PSMG4: variants seen among roughly 807,000 people sequenced by gnomAD.
The protein encoded by PSMG4 is proteasome assembly chaperone 4, also known as proteasome (prosome, macropain) assembly chaperone 4.
Under a neutral mutation model 11.0 loss-of-function variants are expected in PSMG4, and 10 were observed. The observed-to-expected ratio is 0.91, with a 90% CI of 0.56 to 1.54. The LOEUF (loss-of-function observed/expected upper bound fraction) is 1.54. Ranked by LOEUF, PSMG4 falls within the 40% of genes most tolerant of loss-of-function variation. PSMG4 has a pLI of 0.00. For missense variants in PSMG4, 198 were observed against 160.9 expected, an observed-to-expected ratio of 1.23 and a Z score of -1.25; for synonymous variants, 95 against 71.3, an observed-to-expected ratio of 1.33 and a Z score of -1.68.
chr6:3,260,024 C>T (rs928723671), intron 1 of PSMG4, among the ~76,000 whole-genome samples: 5 of 152,114 alleles, frequency 3.3e-5, no homozygotes, highest in African/African-American at 1.2e-4. Context: ...ACTGTCACCT[C>T]AAACTCCTGG....
chr6:3,254,427 G>A (rs191613536), upstream of PSMG4, among the ~76,000 whole-genome samples: 18 of 147,042 alleles, frequency 1.2e-4, no homozygotes, highest in Non-Finnish European at 2.3e-4. Flanking sequence ...AGGAGGTATG[G>A]CTTTGTGCTG....
At chr6:3,260,289 A>AT (rs1264357024) in intron 1 of PSMG4, among the ~76,000 whole-genome samples, 723 of 31,036 alleles carry the variant, frequency 0.023, 15 homozygotes, top group African/African-American at 0.079. Context: ...ATATATATAT[A>AT]TATTTTTTTT....
At chr6:3,262,999 G>A (rs1037412813) in intron 1 of PSMG4, among the ~76,000 whole-genome samples, 9 of 152,216 alleles carry the variant, frequency 5.9e-5, no homozygotes, top group Non-Finnish European at 1.3e-4. Context: ...TACTCCCAAA[G>A]TAGTTGGGAG....
At chr6:3,255,366 T>C (rs1446636373), upstream of PSMG4, 1 of 1,428,608 alleles carries the variant, frequency 7.0e-7, no homozygotes, top group Admixed American at 2.7e-5. Context: ...ATTTTTCCTG[T>C]GGTGGATGAT....
Position 3,267,725 on chromosome 6 carries a change from A to C in PSMG4, c.*13A>C, listed in dbSNP as rs1173707320. ...CGAAAAGTTCTAGCTGAGTGGCAGA[A>C]GTGAGAATTTGTAAACTTATGTACA... On this transcript the variant is annotated 3_prime_UTR_variant, in exon 3 of 3. Transcript: ENST00000438998. 3.2e-6 allele frequency: 5 copies of C among 1,551,242 alleles called. No homozygotes were observed. In the South Asian group the frequency reaches 6.0e-5, roughly 18 times the overall value.
At chr6:3,260,965 G>A (rs1197962412) in intron 1 of PSMG4, among the ~76,000 whole-genome samples, 1 of 152,178 alleles carries the variant, frequency 6.6e-6, no homozygotes, top group East Asian at 1.9e-4. Context: ...TCTCTCAGCC[G>A]TTGAGTGTTT....
At chr6:3,260,291 A>ATATATATATATATTTTTTTTT in intron 1 of PSMG4, among the ~76,000 whole-genome samples, 1 of 70,842 alleles carries the variant, frequency 1.4e-5, no homozygotes, top group African/African-American at 5.5e-5. Flanking sequence ...ATATATATAT[A>ATATATATATATATTTTTTTTT]TTTTTTTTTT....
At chr6:3,260,309 T>TTTTTTTTTTTG (rs1757942138) in intron 1 of PSMG4, among the ~76,000 whole-genome samples, 1 of 140,372 alleles carries the variant, frequency 7.1e-6, no homozygotes, top group African/African-American at 2.8e-5. Flanking sequence ...TTTTTTTTTT[T>TTTTTTTTTTTG]GAAGCAAAGT....
At chr6:3,254,533 T>G (rs1188212533), upstream of PSMG4, among the ~76,000 whole-genome samples, 1 of 152,024 alleles carries the variant, frequency 6.6e-6, no homozygotes, top group South Asian at 2.1e-4. Context: ...GTAACAATTA[T>G]CTGGAAGGTG....
intron 1 of PSMG4, among the ~76,000 whole-genome samples, chr6:3,260,585 T>C (rs2127258652): frequency 6.6e-6 from 1 of 152,274 alleles, no homozygotes; most frequent in African/African-American, 2.4e-5. Context: ...AGAATCTTTA[T>C]GCTAATCTTT....
At chr6:3,260,291 A>ATTT (rs869076629) in intron 1 of PSMG4, among the ~76,000 whole-genome samples, 13 of 70,838 alleles carry the variant, frequency 1.8e-4, no homozygotes, top group East Asian at 4.6e-4. Context: ...ATATATATAT[A>ATTT]TTTTTTTTTT....
chr6:3,265,495 C>T (rs1015164869), intron 2 of PSMG4: 2 of 152,340 alleles, frequency 1.3e-5, no homozygotes, highest in South Asian at 2.1e-4. Context: ...CAGCGTTGTT[C>T]CTCAGAAATC....
At chr6:3,255,223 A>T, upstream of PSMG4, 1 of 1,549,742 alleles carries the variant, frequency 6.5e-7, no homozygotes, top group Non-Finnish European at 8.7e-7. Flanking sequence ...GAGCAAAATC[A>T]ACTCTGGTAA....
At chr6:3,254,802 C>A (rs187592840), upstream of PSMG4, among the ~76,000 whole-genome samples, 1 of 152,074 alleles carries the variant, frequency 6.6e-6, no homozygotes, top group Admixed American at 6.5e-5. Flanking sequence ...GGGGTCAGAG[C>A]AACAAGACAC....
chr6:3,263,310 C>G (rs373120312), intron 1 of PSMG4, among the ~76,000 whole-genome samples: 1 of 152,202 alleles, frequency 6.6e-6, no homozygotes, highest in African/African-American at 2.4e-5. Flanking sequence ...ACAGGTGCCC[C>G]GACTGTGAGT....
chr6:3,254,738 C>A (rs371731712), upstream of PSMG4, among the ~76,000 whole-genome samples: 1 of 152,072 alleles, frequency 6.6e-6, no homozygotes, highest in Non-Finnish European at 1.5e-5. Flanking sequence ...CAAACTCCCC[C>A]TGTGCCTCTT....
chr6:3,260,907 C>T (rs999749302), intron 1 of PSMG4, among the ~76,000 whole-genome samples: 1 of 152,226 alleles, frequency 6.6e-6, no homozygotes, highest in Non-Finnish European at 1.5e-5. Flanking sequence ...AGAGCTCCTG[C>T]CTGTCCTCGA....
At chr6:3,260,756 A>T (rs6936248) in intron 1 of PSMG4, among the ~76,000 whole-genome samples, 108,762 of 152,126 alleles carry the variant, frequency 0.71, 40,641 homozygotes, top group Non-Finnish European at 0.83. Context: ...TTCAGGCCAC[A>T]ACACTGCCTT....
At chr6:3,259,746 C>G (rs942120051) in intron 1 of PSMG4, among the ~76,000 whole-genome samples, 6 of 152,196 alleles carry the variant, frequency 3.9e-5, no homozygotes, top group Non-Finnish European at 5.9e-5. Flanking sequence ...TCCCTAGGCA[C>G]TGCCGCCAGT....
Sources: gnomAD v4.1 joint callset for allele counts (sites outside exome capture counted in the v4.1 genomes callset) on GRCh38, gnomAD v4.1.1 for gene constraint, MANE v1.5 for transcripts, NCBI Gene and HGNC (gene_info 2026-07-23, HGNC 2026-07-21) for gene names.